The following SUV39H2 variants were observed in gnomAD, a reference collection of about 807,000 sequenced individuals.
SUV39H2 encodes histone-lysine N-methyltransferase SUV39H2.
Under a neutral mutation model 47.5 loss-of-function variants are expected in SUV39H2, and 10 were observed. That is an observed-to-expected ratio of 0.21 (90% CI 0.13 to 0.36). The LOEUF (loss-of-function observed/expected upper bound fraction) is 0.36. Ranked by LOEUF, SUV39H2 falls within the 10% of genes least tolerant of loss-of-function variation. SUV39H2 has a pLI of 1.00. For missense variants in SUV39H2, 266 were observed against 487.4 expected, an observed-to-expected ratio of 0.55 and a Z score of 4.28; for synonymous variants, 159 against 166.8, an observed-to-expected ratio of 0.95 and a Z score of 0.36.
rs1021229205 is a variant in SUV39H2 at position 14,901,044 on chromosome 10, A to T, written c.997-89A>T. The T allele has an allele frequency of 5.3e-6, 8 of 1,504,694 alleles. No homozygotes were observed. The Admixed American group carries it at 1.2e-4, about 23-fold the overall frequency. The allele number at this position is 1,504,694 out of a possible 1,614,324, so 93.2% of individuals were successfully genotyped here. A position where few individuals can be genotyped will look rare whatever the true frequency, so the allele number is the denominator to read the frequency against. Reference sequence around the variant, plus strand: ...TAATTTCCAGTGGAACTTAAACTAAATCTCTAGGAAAGTAAACATTTTATA... The same window carrying T: ...TAATTTCCAGTGGAACTTAAACTAATTCTCTAGGAAAGTAAACATTTTATA... On this transcript the variant is annotated intron_variant, in intron 4 of 5. Transcript: ENST00000354919.
At chr10:14,883,426 C>T (rs1564334254) in intron 2 of SUV39H2, among the ~76,000 whole-genome samples, 1 of 151,668 alleles carries the variant, frequency 6.6e-6, no homozygotes, top group Non-Finnish European at 1.5e-5. Context: ...TTTTGTAAAC[C>T]GGGCACGGTG....
rs994585902 is a variant in SUV39H2 at position 14,886,660 on chromosome 10, T to G, written c.177+5015T>G. Among the ~76,000 whole-genome samples the G allele has an allele frequency of 2.6e-5, 4 of 152,370 alleles. No individual in the cohort carries two copies. In the East Asian group the frequency reaches 7.7e-4, roughly 29 times the overall value. On this transcript the variant is annotated intron_variant, in intron 2 of 5. Coordinates refer to ENST00000354919, the MANE Select transcript of SUV39H2 (RefSeq NM_001193424.2). ...CTCCTGTTTCTTTTTCTCGTATACTTACTCAACAAATATTTGAGTTTCTTC... is the reference window on the plus strand; with the variant it reads ...CTCCTGTTTCTTTTTCTCGTATACTGACTCAACAAATATTTGAGTTTCTTC...
chr10:14,886,016 A>C (rs1833197048), intron 2 of SUV39H2, among the ~76,000 whole-genome samples: 2 of 152,162 alleles, frequency 1.3e-5, no homozygotes, highest in African/African-American at 2.4e-5. Flanking sequence ...GCCACCCGCC[A>C]CCTTTCCAGC....
chr10:14,899,301 C>G (rs1402507949), intron 3 of SUV39H2: 1 of 698,164 alleles, frequency 1.4e-6, no homozygotes, highest in South Asian at 1.5e-5. Context: ...GCCTGAGTGA[C>G]AGAGTGAGAC....
chr10:14,902,589 A>T lies in SUV39H2; in HGVS notation c.*77A>T, dbSNP rs1340202521. The stretch of plus-strand genomic sequence containing the variant: ...ACATTTTTAAAAATACATATTTGGG[A>T]CTCTTATTATCAAGGTTCTACCTAT... On this transcript the variant is annotated 3_prime_UTR_variant, in exon 6 of 6. Coordinates refer to ENST00000354919, the MANE Select transcript of SUV39H2 (RefSeq NM_001193424.2). 8 of 890,152 alleles carry T rather than the reference A, an allele frequency of 9.0e-6. No individual in the cohort carries two copies. The highest frequency in any genetic ancestry group is 1.1e-5 in the Non-Finnish European group (7 of 608,934). The allele number at this position is 890,152 out of a possible 1,614,324, so 55.1% of individuals were successfully genotyped here.
At chr10:14,884,175 G>A (rs1833134445) in intron 2 of SUV39H2, among the ~76,000 whole-genome samples, 1 of 152,162 alleles carries the variant, frequency 6.6e-6, no homozygotes, top group Admixed American at 6.5e-5. Context: ...AAGTTTTCAT[G>A]GTTCTTGGGT....
chr10:14,883,660 A>G (rs1161028609), intron 2 of SUV39H2, among the ~76,000 whole-genome samples: 4 of 127,940 alleles, frequency 3.1e-5, no homozygotes, highest in African/African-American at 9.0e-5. Context: ...AGTTGAGATC[A>G]CCCCTCTGCA....
chr10:14,897,237 G>A lies in SUV39H2; in HGVS notation c.569G>A (p.Gly190Asp), dbSNP rs1833658140. Residue 190 changes from glycine to aspartate, a missense_variant, in exon 3 of 6, where the codon GGT becomes GAT. Physicochemically the swap from Gly to Asp is moderately conservative, Grantham distance 94. Coordinates refer to ENST00000354919, the MANE Select transcript of SUV39H2 (RefSeq NM_001193424.2). ...AGCTTAGTCAATGAAGCTACCTTTG[G>A]TTGTTCATGCACAGATTGCTTCTTT... is the stretch of plus-strand genomic sequence containing the variant. ...GISLVNEATF[G>D]CSCTDCFFQK... 6.2e-7 allele frequency: 1 copy of A among 1,613,782 alleles called. No homozygotes were observed. Among genetic ancestry groups the A allele is most frequent in the Admixed American group, 1.7e-5 (1 of 60,008 alleles).
rs1268799601 is a variant in SUV39H2, at chr10:14,894,658, C to T, written c.178-2188C>T. Among the ~76,000 whole-genome samples the T allele has an allele frequency of 7.3e-5, 11 of 151,524 alleles. 3 individuals carry two copies. Among genetic ancestry groups the T allele is most frequent in the Admixed American group, 1.3e-4 (2 of 15,210 alleles). Reference sequence around the variant, plus strand: ...CTGGGATTACAGGCGTGAGCCACCGCGCCCGGCCGCAAAGTTTTTAATTCA... The same window carrying T: ...CTGGGATTACAGGCGTGAGCCACCGTGCCCGGCCGCAAAGTTTTTAATTCA... On this transcript the variant is annotated intron_variant, in intron 2 of 5. Transcript: ENST00000354919.
chr10:14,894,238 T>A (rs75104874), intron 2 of SUV39H2, among the ~76,000 whole-genome samples: 1 of 150,290 alleles, frequency 6.7e-6, no homozygotes, highest in Non-Finnish European at 1.5e-5. Flanking sequence ...TTTTTTTTTT[T>A]CCTGGAACCG....
chr10:14,883,857 C>T (rs1459507415), intron 2 of SUV39H2, among the ~76,000 whole-genome samples: 2 of 152,188 alleles, frequency 1.3e-5, no homozygotes, highest in Non-Finnish European at 2.9e-5. Context: ...ACCCTTCTAC[C>T]TCCAGCCGTA....
chr10:14,879,393 G>T (rs1268653278), intron 1 of SUV39H2, among the ~76,000 whole-genome samples: 1 of 152,246 alleles, frequency 6.6e-6, no homozygotes, highest in African/African-American at 2.4e-5. Context: ...ATCAGAGGGG[G>T]AGAGTAAATC....
At chr10:14,887,230 G>A (rs1038745696) in intron 2 of SUV39H2, among the ~76,000 whole-genome samples, 2 of 152,072 alleles carry the variant, frequency 1.3e-5, no homozygotes, top group African/African-American at 4.8e-5. Flanking sequence ...GTAGGTGCAC[G>A]GTTCTTTTGT....
At chr10:14,888,409 G>T (rs568627201) in intron 2 of SUV39H2, among the ~76,000 whole-genome samples, 79 of 152,078 alleles carry the variant, frequency 5.2e-4, no homozygotes, top group African/African-American at 1.7e-3. Context: ...GCCGAGGCGG[G>T]CAGATCATGA....
rs567923349 is a variant in SUV39H2 at position 14,887,854 on chromosome 10, C to T, written c.177+6209C>T. ...TCTCACTTATCCTGGAGAGACTGGG[C>T]AGGTATCCCTGAGGAACTGATGTTT... On this transcript the variant is annotated intron_variant, in intron 2 of 5. Coordinates refer to ENST00000354919, the MANE Select transcript of SUV39H2 (RefSeq NM_001193424.2). 1.9e-4 allele frequency among the ~76,000 whole-genome samples: 29 copies of T among 152,282 alleles called. No homozygotes were observed. The South Asian group carries it at 5.8e-3, about 31-fold the overall frequency.
chr10:14,879,913 A>G (rs1588830072), intron 1 of SUV39H2: 1 of 143,994 alleles, frequency 6.9e-6, no homozygotes, highest in South Asian at 2.2e-4. Context: ...GCAGTTTTTC[A>G]TGTTCACTTT....
intron 4 of SUV39H2, among the ~76,000 whole-genome samples, chr10:14,900,675 A>T (rs1227946731): frequency 6.6e-6 from 1 of 152,206 alleles, no homozygotes; most frequent in African/African-American, 2.4e-5. Flanking sequence ...TTGGACCAAA[A>T]ATTCAAGCAG....
intron 3 of SUV39H2, 167 bp downstream of exon 3, chr10:14,897,684 A>AAATAAAAAACTTTTATATG: frequency 1.8e-6 from 1 of 546,992 alleles, no homozygotes; most frequent in Non-Finnish European, 2.8e-6. Flanking sequence ...GCATATTTAG[A>AAATAAAAAACTTTTATATG]AATAAAAAAC....
chr10:14,889,639 G>A (rs1322571513), intron 2 of SUV39H2, among the ~76,000 whole-genome samples: 5 of 152,166 alleles, frequency 3.3e-5, no homozygotes, highest in Non-Finnish European at 7.3e-5. Context: ...TTTTCTCTTT[G>A]CATTAGTAAC....
Sources: gnomAD v4.1 joint callset for allele counts (sites outside exome capture counted in the v4.1 genomes callset) on GRCh38, gnomAD v4.1.1 for gene constraint, MANE v1.5 for transcripts, NCBI Gene and HGNC (gene_info 2026-07-23, HGNC 2026-07-21) for gene names.